Variants in CALN1 observed in about 807,000 individuals in gnomAD.
CALN1 encodes calneuron 1.
Under a neutral mutation model 30.6 loss-of-function variants are expected in CALN1, and 17 were observed. That is an observed-to-expected ratio of 0.56 (90% CI 0.38 to 0.83). The LOEUF (loss-of-function observed/expected upper bound fraction) is 0.83, where lower values mean the gene tolerates loss of function less well. Among genes scored for constraint, CALN1 ranks in the 40% least tolerant of loss-of-function variants. The pLI, the probability that CALN1 is intolerant of heterozygous loss-of-function variation, is 0.00. For missense variants in CALN1, 291 were observed against 354.9 expected (o/e 0.82, Z 1.45); for synonymous variants, 156 against 131.4 (o/e 1.19, Z -1.28).
At chr7:72,378,816 C>T (rs1039942335) in intron 2 of CALN1, among the ~76,000 whole-genome samples, 11 of 152,076 alleles carry the variant, frequency 7.2e-5, no homozygotes, top group Non-Finnish European at 1.3e-4. Context: ...GATCTGCCTG[C>T]CTCCGCCTCC....
chr7:71,881,888 T>C (rs149340457), intron 5 of CALN1, among the ~76,000 whole-genome samples: 5 of 149,880 alleles, frequency 3.3e-5, no homozygotes, highest in Admixed American at 6.7e-5. Context: ...GCCTAAGCAA[T>C]GTAGCAATAC....
intron 3 of CALN1, among the ~76,000 whole-genome samples, chr7:72,137,031 T>G (rs1466256369): frequency 6.6e-6 from 1 of 152,216 alleles, no homozygotes; most frequent in Non-Finnish European, 1.5e-5. Context: ...AAAACAAACC[T>G]GAGAGGGGCT....
intron 5 of CALN1, among the ~76,000 whole-genome samples, chr7:71,956,905 C>T (rs1253312254): frequency 6.6e-6 from 1 of 152,010 alleles, no homozygotes; most frequent in Admixed American, 6.5e-5. Context: ...CCATGTTGGC[C>T]AGTCTGGTCT....
chr7:72,362,315 G>C (rs182297084), intron 2 of CALN1, among the ~76,000 whole-genome samples: 2 of 152,242 alleles, frequency 1.3e-5, no homozygotes, highest in East Asian at 1.9e-4. Flanking sequence ...AGATATAGAA[G>C]ATTTCCACCA....
At chr7:71,829,492 G>A (rs1368482289) in intron 5 of CALN1, among the ~76,000 whole-genome samples, 2 of 152,216 alleles carry the variant, frequency 1.3e-5, no homozygotes, top group East Asian at 3.9e-4. Context: ...AAGAGCAACA[G>A]GGAATGAATA....
At chr7:71,852,355 G>C (rs1050754997) in intron 5 of CALN1, among the ~76,000 whole-genome samples, 11 of 151,586 alleles carry the variant, frequency 7.3e-5, no homozygotes, top group African/African-American at 2.7e-4. Context: ...AGAAACTGCC[G>C]ACTGGGCACA....
chr7:72,305,043 G>A (rs575173425), intron 2 of CALN1, among the ~76,000 whole-genome samples: 11 of 152,186 alleles, frequency 7.2e-5, no homozygotes, highest in Non-Finnish European at 1.5e-4. Context: ...CTGCAGCCTC[G>A]CATGTGACCT....
chr7:72,400,617 C>G (rs976971889), intron 2 of CALN1, among the ~76,000 whole-genome samples: 1 of 152,204 alleles, frequency 6.6e-6, no homozygotes, highest in Non-Finnish European at 1.5e-5. Flanking sequence ...AGCCTATAAT[C>G]CCAGCACTTT....
chr7:72,487,951 AAGGAAAGGAAGGAAGGAAGGAAGGAAGG>A, the CALN1 span, among the ~76,000 whole-genome samples: 1 of 72,354 alleles, frequency 1.4e-5, no homozygotes, highest in African/African-American at 6.4e-5. Flanking sequence ...GGAAGGAAGG[AAGGAAAGGAAGGAAGGAAGGAAGGAAGG>A]AAGGAAGGAA....
At chr7:72,310,049 C>T (rs2129556301) in intron 2 of CALN1, among the ~76,000 whole-genome samples, 1 of 152,222 alleles carries the variant, frequency 6.6e-6, no homozygotes, top group East Asian at 1.9e-4. Flanking sequence ...CATTCTCTGA[C>T]TACTCATGGC....
At chr7:72,247,054 A>G (rs525120) in intron 3 of CALN1, among the ~76,000 whole-genome samples, 109,886 of 151,004 alleles carry the variant, frequency 0.73, 40,878 homozygotes, top group East Asian at 1. Flanking sequence ...GTGCCCGGCC[A>G]GCCCTACCAG....
intron 5 of CALN1, among the ~76,000 whole-genome samples, chr7:71,864,775 G>A (rs1791492260): frequency 6.6e-6 from 1 of 152,202 alleles, no homozygotes; most frequent in Non-Finnish European, 1.5e-5. Flanking sequence ...GCCAAGGCAG[G>A]AGGATCACTT....
chr7:71,795,963 CA>C (rs1478705575), intron 6 of CALN1, among the ~76,000 whole-genome samples: 3 of 151,208 alleles, frequency 2.0e-5, no homozygotes, highest in African/African-American at 7.3e-5. Context: ...GGACTACAGG[CA>C]CCCGCCACCA....
At chr7:71,923,476 G>C (rs965489196) in intron 5 of CALN1, among the ~76,000 whole-genome samples, 2 of 152,164 alleles carry the variant, frequency 1.3e-5, no homozygotes, top group African/African-American at 2.4e-5. Flanking sequence ...AACCTCAATA[G>C]TATGTCATTC....
intron 3 of CALN1, among the ~76,000 whole-genome samples, chr7:72,127,411 T>C (rs1377988368): frequency 1.3e-5 from 2 of 151,982 alleles, no homozygotes; most frequent in Non-Finnish European, 2.9e-5. Context: ...TTACTGTGAA[T>C]GAGGTGGGAG....
At chr7:71,791,805 C>T (rs1156258229) in intron 6 of CALN1, among the ~76,000 whole-genome samples, 16 of 152,134 alleles carry the variant, frequency 1.1e-4, no homozygotes, top group African/African-American at 2.9e-4. Flanking sequence ...GTCAGGAGAT[C>T]GAGACCATCC....
chr7:72,297,162 T>C (rs538606918), intron 2 of CALN1, among the ~76,000 whole-genome samples: 6 of 152,322 alleles, frequency 3.9e-5, no homozygotes, highest in Non-Finnish European at 8.8e-5. Context: ...ACATCTTTAT[T>C]TCTGCCTTCA....
chr7:72,297,062 T>G (rs1798914188), intron 2 of CALN1, among the ~76,000 whole-genome samples: 1 of 152,142 alleles, frequency 6.6e-6, no homozygotes, highest in Non-Finnish European at 1.5e-5. Context: ...TTGTGGGCAT[T>G]TAGTGCTATA....
At chr7:72,396,846 G>C (rs1027985688) in intron 2 of CALN1, among the ~76,000 whole-genome samples, 1 of 152,178 alleles carries the variant, frequency 6.6e-6, no homozygotes, top group Non-Finnish European at 1.5e-5. Context: ...TTGAAGGTTA[G>C]AAGTATATAG....
Sources: gnomAD v4.1 joint callset for allele counts (sites outside exome capture counted in the v4.1 genomes callset) on GRCh38, gnomAD v4.1.1 for gene constraint, MANE v1.5 for transcripts, NCBI Gene and HGNC (gene_info 2026-07-23, HGNC 2026-07-21) for gene names.